The following MMRN1 variants were observed in gnomAD, a reference collection of about 807,000 sequenced individuals.
The protein encoded by MMRN1 is multimerin-1.
Under a neutral mutation model 100.7 loss-of-function variants are expected in MMRN1, and 94 were observed. That is an observed-to-expected ratio of 0.93 (90% confidence interval 0.79 to 1.11). The LOEUF is 1.11. MMRN1 is among the 50% of genes least tolerant of loss of function. MMRN1 has a pLI of 0.00. For synonymous variants in MMRN1, 575 were observed against 505.0 expected (o/e 1.14, Z -1.86); for missense variants, 1,606 against 1,439.1 (o/e 1.12, Z -1.88).
intron 3 of MMRN1, among the ~76,000 whole-genome samples, chr4:89,917,463 T>C (rs1423831751): frequency 6.6e-6 from 1 of 151,854 alleles, no homozygotes; most frequent in African/African-American, 2.4e-5. Flanking sequence ...CCACAGTCAA[T>C]ATTGTATATA....
chr4:89,934,482 A>G (rs1039744645), intron 5 of MMRN1, among the ~76,000 whole-genome samples: 2 of 152,134 alleles, frequency 1.3e-5, no homozygotes, highest in African/African-American at 2.4e-5. Context: ...CAAAACGAAA[A>G]CTAGACCTAG....
rs967722292 is a variant in MMRN1, at chr4:89,953,986, G to A, written c.*568G>A. ...AAAATATGAAAAATGCTTAACTATT[G>A]TTCTCTTCCTATAATTCTCTAATTA... On this transcript the variant is annotated 3_prime_UTR_variant, in exon 8 of 8. Transcript: ENST00000264790. 6.6e-6 allele frequency: 1 copy of A among 152,082 alleles called. No individual in the cohort carries two copies. Among genetic ancestry groups the A allele is most frequent in the Non-Finnish European group, 1.5e-5 (1 of 68,092 alleles). 9.4% of individuals were successfully genotyped at this position (152,082 alleles called of 1,614,324 possible). A position where few individuals can be genotyped will look rare whatever the true frequency, so the allele number is the denominator to read the frequency against.
chr4:89,913,856 G>A (rs1052833658), intron 3 of MMRN1, among the ~76,000 whole-genome samples: 4 of 151,192 alleles, frequency 2.6e-5, no homozygotes, highest in Non-Finnish European at 5.9e-5. Context: ...TCTTTTCTAC[G>A]GAAATCTACA....
At chr4:89,928,157 T>C (rs918957878) in intron 5 of MMRN1, among the ~76,000 whole-genome samples, 189 bp downstream of exon 5, 1 of 152,140 alleles carries the variant, frequency 6.6e-6, no homozygotes, top group African/African-American at 2.4e-5. Context: ...CATTTTATTA[T>C]ATATACTGAA....
At chr4:89,911,222 C>G (rs1420907299) in intron 2 of MMRN1, among the ~76,000 whole-genome samples, 1 of 151,418 alleles carries the variant, frequency 6.6e-6, no homozygotes, top group Admixed American at 6.6e-5. Context: ...TTATGACTTA[C>G]ATTTACAAAC....
At chr4:89,882,025 C>T (rs1353329189) in intron 1 of MMRN1, among the ~76,000 whole-genome samples, 1 of 151,606 alleles carries the variant, frequency 6.6e-6, no homozygotes, top group African/African-American at 2.4e-5. Context: ...GCTAAATAAC[C>T]CTCTCAGAAA....
At chr4:89,924,404 A>G (rs1266158763) in intron 4 of MMRN1, among the ~76,000 whole-genome samples, 1 of 152,124 alleles carries the variant, frequency 6.6e-6, no homozygotes, top group African/African-American at 2.4e-5. Flanking sequence ...CTTAGTCTTA[A>G]CATTCAAGTT....
intron 1 of MMRN1, among the ~76,000 whole-genome samples, chr4:89,881,438 T>C (rs1304171895): frequency 4.6e-5 from 7 of 152,088 alleles, no homozygotes; most frequent in Non-Finnish European, 1.0e-4. Context: ...TGTATGTACT[T>C]GTTTTGTTAA....
intron 5 of MMRN1, among the ~76,000 whole-genome samples, chr4:89,930,552 G>C (rs1214340780): frequency 6.6e-6 from 1 of 151,870 alleles, no homozygotes; most frequent in East Asian, 1.9e-4. Context: ...TTTCAATCTT[G>C]AAAAACTGTA....
At position 89,936,093 on chromosome 4, in the gene MMRN1, A is replaced by G. The variant is rs3756065; in HGVS notation, c.2413A>G (p.Thr805Ala). ...TAACTTTGTTTTGCAAGTCGCCAAG[A>G]CCCTTGCAGGTATTCCCAGAGATGA... ...RYNFVLQVAK[T>A]LAGIPRDEKL... The change falls in exon 6 of 8, where the codon ACC becomes GCC. Residue 805 changes from threonine to alanine, a missense_variant. Coordinates refer to ENST00000264790, the MANE Select transcript of MMRN1 (RefSeq NM_007351.3). 2.1e-4 allele frequency: 340 copies of G among 1,612,102 alleles called. 2 individuals are homozygous for G. The East Asian group carries it at 6.4e-3, about 30-fold the overall frequency.
Position 89,935,506 on chromosome 4 carries a change from A to G in MMRN1, c.1826A>G (p.Asp609Gly). ...AATGATTTTAAATTTCAACTTAAGG[A>G]CACAGAAGAGAATTTACATGTGTTA... Reference protein sequence around the residue: ...CRNDFKFQLKDTEENLHVLNQ... With the variant: ...CRNDFKFQLKGTEENLHVLNQ... The change falls in exon 6 of 8, where the codon GAC becomes GGC. Residue 609 changes from aspartate (D) to glycine (G), a missense_variant. Physicochemically the swap from Asp to Gly is moderately conservative, Grantham distance 94. Transcript: ENST00000264790. 1 of 1,613,468 alleles carries G rather than the reference A, an allele frequency of 6.2e-7. No individual in the cohort carries two copies.
chr4:89,909,957 T>C (rs1721695547), intron 2 of MMRN1, among the ~76,000 whole-genome samples: 1 of 151,410 alleles, frequency 6.6e-6, no homozygotes, highest in Admixed American at 6.6e-5. Context: ...AAGATGGGGC[T>C]GAGTAATTGA....
intron 1 of MMRN1, among the ~76,000 whole-genome samples, chr4:89,906,570 A>G (rs1339387934): frequency 6.6e-6 from 1 of 151,610 alleles, no homozygotes; most frequent in Admixed American, 6.6e-5. Context: ...AAGGATTACT[A>G]GGTTTAAGCA....
At chr4:89,945,850 A>C (rs1259491006) in intron 6 of MMRN1, among the ~76,000 whole-genome samples, 1 of 152,214 alleles carries the variant, frequency 6.6e-6, no homozygotes, top group African/African-American at 2.4e-5. Flanking sequence ...AGAAAACAAT[A>C]TAAGAAACAA....
At chr4:89,951,434 G>A (rs1353542259) in intron 6 of MMRN1, 171 bp from the exon 7 acceptor site, 5 of 521,668 alleles carry the variant, frequency 9.6e-6, no homozygotes, top group Non-Finnish European at 1.6e-5. Context: ...TCAGAGCTAA[G>A]GGATTTGCAT....
In MMRN1 at chr4:89,935,428, T is replaced by C. The variant is rs1404670040; in HGVS notation, c.1748T>C (p.Met583Thr). The change falls in exon 6 of 8, where the codon ATG (methionine) becomes ACG (threonine). Residue 583 changes from methionine to threonine, a missense_variant. Physicochemically the swap from Met to Thr is moderately conservative, Grantham distance 81. Transcript: ENST00000264790. ...KINNLTVSLE[M>T]EKESLRGECE... Reference sequence around the variant, plus strand: ...AACAATCTCACCGTCTCTTTGGAGATGGAGAAAGAGTCTCTCAGAGGTGAA... The same window carrying C: ...AACAATCTCACCGTCTCTTTGGAGACGGAGAAAGAGTCTCTCAGAGGTGAA... 3 of 1,613,362 alleles carry C rather than the reference T, an allele frequency of 1.9e-6. No individual in the cohort carries two copies. The highest frequency in any genetic ancestry group is 1.7e-6 in the Non-Finnish European group (2 of 1,179,762).
At chr4:89,921,503 A>C (rs1056040683) in intron 3 of MMRN1, among the ~76,000 whole-genome samples, 1 of 152,194 alleles carries the variant, frequency 6.6e-6, no homozygotes, top group Non-Finnish European at 1.5e-5. Flanking sequence ...CAATGATTAA[A>C]TGGTTGTATC....
Position 89,921,793 on chromosome 4 carries a change from T to C in MMRN1, c.851-1375T>C, listed in dbSNP as rs1578484176. Among the ~76,000 whole-genome samples the C allele has an allele frequency of 2.0e-5, 3 of 152,138 alleles. No individual in the cohort carries two copies. The East Asian group carries it at 5.8e-4, about 29-fold the overall frequency. ...TGCCCTGAAGAAAAACAATGCAAAA[T>C]TCAATCTAACAATATAGACTCACCC... is the stretch of plus-strand genomic sequence containing the variant. On this transcript the variant is annotated intron_variant, in intron 3 of 7. Transcript: ENST00000264790.
chr4:89,902,738 G>A (rs1050321045), intron 1 of MMRN1, among the ~76,000 whole-genome samples: 1 of 151,706 alleles, frequency 6.6e-6, no homozygotes. Context: ...CATAAAAAAG[G>A]GTTTCTTCTT....
Sources: allele counts gnomAD v4.1 joint callset (sites outside exome capture counted in the v4.1 genomes callset), GRCh38; gene constraint gnomAD v4.1.1; transcripts MANE v1.5; gene names NCBI Gene and HGNC (gene_info 2026-07-23, HGNC 2026-07-21).